Variants in SEMA3D observed in about 807,000 individuals in gnomAD.
SEMA3D encodes the protein semaphorin 3D.
SEMA3D carries 84 observed loss-of-function variants against 100.1 expected under a neutral mutation model. That is an observed-to-expected ratio of 0.84 (90% CI 0.70 to 1.01). The LOEUF (loss-of-function observed/expected upper bound fraction) is 1.01. SEMA3D is among the 50% of genes least tolerant of loss of function. The pLI is 0.00. For missense variants in SEMA3D, 875 were observed against 934.1 expected (o/e 0.94, Z 0.82); for synonymous variants, 312 against 320.7 (o/e 0.97, Z 0.29).
the SEMA3D span, among the ~76,000 whole-genome samples, chr7:85,249,672 G>A: frequency 3.3e-5 from 5 of 152,048 alleles, no homozygotes; most frequent in South Asian, 4.2e-4. Flanking sequence ...TAGTGAACAC[G>A]TGTTATATGT....
At chr7:85,186,434 G>A (rs780215651) in intron 1 of SEMA3D, among the ~76,000 whole-genome samples, 1 of 152,160 alleles carries the variant, frequency 6.6e-6, no homozygotes, top group Non-Finnish European at 1.5e-5. Context: ...GCTGAGGCGG[G>A]GTGGGACTGC....
chr7:85,140,920 A>G (rs1037229557), intron 2 of SEMA3D: 38 of 608,004 alleles, frequency 6.2e-5, no homozygotes, highest in Non-Finnish European at 7.2e-5. Flanking sequence ...GTTAGAGATG[A>G]TCACTGTTAA....
At chr7:85,008,735 T>C (rs1463330048) in intron 17 of SEMA3D, among the ~76,000 whole-genome samples, 1 of 151,696 alleles carries the variant, frequency 6.6e-6, no homozygotes, top group African/African-American at 2.4e-5. Context: ...TGCTTATTGG[T>C]AACATATAAA....
chr7:85,099,988 C>T (rs987573477), intron 3 of SEMA3D, among the ~76,000 whole-genome samples: 5 of 151,746 alleles, frequency 3.3e-5, no homozygotes, highest in African/African-American at 1.2e-4. Context: ...TGTCTTTCGC[C>T]CATCCTAATT....
rs144447087 is a variant in SEMA3D at position 85,119,041 on chromosome 7, C to T, written c.151+2700G>A. On this transcript the variant is annotated intron_variant, in intron 3 of 18. Transcript: ENST00000284136. ...AACATCATTGATCATTACAGAAATA[C>T]AAATCAAAACCACAACAAGATACCA... 2.8e-3 allele frequency among the ~76,000 whole-genome samples: 425 copies of T among 151,418 alleles called. 4 individuals carry two copies. Among genetic ancestry groups the T allele is most frequent in the African/African-American group, 9.9e-3 (411 of 41,330 alleles).
At chr7:85,121,437 T>C (rs1424559319) in intron 3 of SEMA3D, among the ~76,000 whole-genome samples, 1 of 152,170 alleles carries the variant, frequency 6.6e-6, no homozygotes, top group African/African-American at 2.4e-5. Flanking sequence ...AAGAGTTATA[T>C]GAAATGTGTT....
chr7:85,130,439 C>A (rs1263061232), intron 2 of SEMA3D, among the ~76,000 whole-genome samples: 1 of 152,174 alleles, frequency 6.6e-6, no homozygotes, highest in Non-Finnish European at 1.5e-5. Flanking sequence ...TTCCAACCCA[C>A]TTGTATTTCT....
chr7:85,163,313 C>T (rs981598572), intron 1 of SEMA3D, among the ~76,000 whole-genome samples: 1 of 152,026 alleles, frequency 6.6e-6, no homozygotes, highest in Non-Finnish European at 1.5e-5. Flanking sequence ...TATCACCCAC[C>T]ACACAATAAA....
intron 17 of SEMA3D, among the ~76,000 whole-genome samples, chr7:85,009,966 C>A (rs568970175): frequency 4.4e-4 from 67 of 151,526 alleles, no homozygotes; most frequent in Admixed American, 4.2e-3. Flanking sequence ...AAAGGAATAT[C>A]TGCTGCAAAA....
intron 1 of SEMA3D, among the ~76,000 whole-genome samples, chr7:85,170,319 G>A (rs939903628): frequency 2.6e-5 from 4 of 151,716 alleles, no homozygotes; most frequent in African/African-American, 7.3e-5. Flanking sequence ...CCTTTAGCAG[G>A]AAAAAAGATC....
intron 12 of SEMA3D, chr7:85,029,589 T>G: frequency 2.0e-6 from 1 of 498,960 alleles, no homozygotes; most frequent in Non-Finnish European, 3.8e-6. Flanking sequence ...CAAACTGGAC[T>G]AGAGTGCAGA....
chr7:85,115,651 C>A (rs111423153), intron 3 of SEMA3D, among the ~76,000 whole-genome samples: 28 of 152,020 alleles, frequency 1.8e-4, no homozygotes, highest in Middle Eastern at 6.8e-3. Flanking sequence ...AATGGACAGA[C>A]CTTACATGTG....
At chr7:85,235,097 C>T in the SEMA3D span, among the ~76,000 whole-genome samples, 1 of 152,298 alleles carries the variant, frequency 6.6e-6, no homozygotes, top group South Asian at 2.1e-4. Context: ...TGCTCAGTAG[C>T]ACCTCTGGGC....
At chr7:85,198,245 G>C in the SEMA3D span, among the ~76,000 whole-genome samples, 1 of 151,952 alleles carries the variant, frequency 6.6e-6, no homozygotes, top group South Asian at 2.1e-4. Context: ...GTTTCTTAAT[G>C]ATATCATTAC....
At position 84,999,753 on chromosome 7, in the gene SEMA3D, T is replaced by A; in HGVS notation, c.2021A>T (p.His674Leu). 6.2e-7 allele frequency: 1 copy of A among 1,614,058 alleles called. No individual in the cohort carries two copies. Residue 674 changes from histidine (H) to leucine (L), a missense_variant, in exon 19 of 19, where the codon CAC (histidine) becomes CTC (leucine). By Grantham distance (99) the His-to-Leu change is moderately conservative. Coordinates refer to ENST00000284136, the MANE Select transcript of SEMA3D (RefSeq NM_001384900.1). ...YCKAQEHTFI[H>L]TIVKLTLNVI... ...ATTCAAAGTCAGCTTCACTATGGTG[T>A]GGATGAAAGTGTGCTCCTGGGCTTT...
intron 3 of SEMA3D, among the ~76,000 whole-genome samples, chr7:85,112,417 A>T (rs1583934557): frequency 6.6e-6 from 1 of 152,336 alleles, no homozygotes; most frequent in Non-Finnish European, 1.5e-5. Context: ...TGGGAGGTTC[A>T]AAACATAATT....
At chr7:85,042,402 A>G in intron 9 of SEMA3D, 117 bp from the exon 10 acceptor site, 1 of 716,500 alleles carries the variant, frequency 1.4e-6, no homozygotes, top group Non-Finnish European at 2.4e-6. Flanking sequence ...AAGACACTGA[A>G]CCCAGATATT....
chr7:85,188,976 C>G (rs1205720538), upstream of SEMA3D, among the ~76,000 whole-genome samples: 1 of 152,180 alleles, frequency 6.6e-6, no homozygotes, highest in Non-Finnish European at 1.5e-5. Flanking sequence ...GCCTCTAATA[C>G]AATGCCTGTG....
chr7:85,136,039 A>T (rs1789856381), intron 2 of SEMA3D, among the ~76,000 whole-genome samples: 1 of 152,112 alleles, frequency 6.6e-6, no homozygotes, highest in Admixed American at 6.6e-5. Flanking sequence ...TAAAAAGAGG[A>T]TGAGAGAGCA....
Sources: gnomAD v4.1 joint callset for allele counts (sites outside exome capture counted in the v4.1 genomes callset) on GRCh38, gnomAD v4.1.1 for gene constraint, MANE v1.5 for transcripts, NCBI Gene and HGNC (gene_info 2026-07-23, HGNC 2026-07-21) for gene names.